TMEM132D: variants seen among roughly 807,000 people sequenced by gnomAD.
The protein encoded by TMEM132D is mature OL transmembrane protein.
A neutral mutation model predicts 62.3 loss-of-function variants in TMEM132D; 21 were observed. The ratio of observed to expected loss-of-function variants is 0.34; its 90% CI spans 0.24 to 0.49. The LOEUF (loss-of-function observed/expected upper bound fraction) is 0.49. Among genes scored for constraint, TMEM132D ranks in the 20% least tolerant of loss-of-function variants. TMEM132D has a pLI of 0.99. For synonymous variants in TMEM132D, 621 were observed against 575.6 expected (o/e 1.08, Z -1.13); for missense variants, 1,346 against 1,402.8 (o/e 0.96, Z 0.65).
chr12:129,337,591 C>A (rs1173791847), intron 4 of TMEM132D, 43 bp downstream of exon 4: 2 of 1,608,896 alleles, frequency 1.2e-6, no homozygotes, highest in African/African-American at 1.3e-5. Context: ...GCCTTCCCCT[C>A]CCCCGAGTTC....
intron 5 of TMEM132D, among the ~76,000 whole-genome samples, chr12:129,154,049 T>C (rs1287745510): frequency 1.3e-5 from 2 of 152,238 alleles, no homozygotes; most frequent in African/African-American, 4.8e-5. Flanking sequence ...ACAATTACTC[T>C]TATTTAAAAT....
intron 1 of TMEM132D, among the ~76,000 whole-genome samples, chr12:129,846,222 T>C (rs1873356360): frequency 6.6e-6 from 1 of 152,204 alleles, no homozygotes; most frequent in Admixed American, 6.5e-5. Context: ...TTCATTTAAT[T>C]ACCCATGCAC....
chr12:129,694,840 C>T (rs1302795244), intron 2 of TMEM132D, among the ~76,000 whole-genome samples: 4 of 152,116 alleles, frequency 2.6e-5, no homozygotes, highest in Non-Finnish European at 5.9e-5. Context: ...AACCCCGTCT[C>T]TACTAAAAAT....
At chr12:129,148,718 A>G (rs1876984347) in intron 5 of TMEM132D, among the ~76,000 whole-genome samples, 1 of 152,160 alleles carries the variant, frequency 6.6e-6, no homozygotes, top group Non-Finnish European at 1.5e-5. Flanking sequence ...AATTGAACAC[A>G]CCGACTTCAG....
intron 5 of TMEM132D, among the ~76,000 whole-genome samples, chr12:129,202,325 A>T (rs946871974): frequency 6.6e-6 from 1 of 152,216 alleles, no homozygotes; most frequent in Non-Finnish European, 1.5e-5. Context: ...AAATGACACC[A>T]ACACATCACA....
intron 1 of TMEM132D, among the ~76,000 whole-genome samples, chr12:129,875,960 T>C (rs1014220704): frequency 1.3e-5 from 2 of 152,170 alleles, no homozygotes; most frequent in African/African-American, 4.8e-5. Context: ...AACATGGTAG[T>C]GTCCATCCAT....
intron 3 of TMEM132D, among the ~76,000 whole-genome samples, chr12:129,381,256 C>A (rs1392984651): frequency 6.6e-6 from 1 of 152,158 alleles, no homozygotes; most frequent in African/African-American, 2.4e-5. Flanking sequence ...TTTATTTCTT[C>A]TTTTCTCCTA....
intron 2 of TMEM132D, among the ~76,000 whole-genome samples, chr12:129,671,655 A>T (rs921856632): frequency 6.6e-6 from 1 of 152,018 alleles, no homozygotes; most frequent in African/African-American, 2.4e-5. Context: ...ACATGATGAG[A>T]GGTTGGGGTA....
intron 3 of TMEM132D, among the ~76,000 whole-genome samples, chr12:129,382,874 C>T (rs12305485): frequency 0.013 from 2,002 of 152,228 alleles, 39 homozygotes; most frequent in African/African-American, 0.046. Flanking sequence ...TCCGTGTTTC[C>T]GCTCAGTCTT....
intron 4 of TMEM132D, among the ~76,000 whole-genome samples, chr12:129,328,446 C>T (rs1361760701): frequency 6.6e-6 from 1 of 152,194 alleles, no homozygotes; most frequent in Non-Finnish European, 1.5e-5. Flanking sequence ...GTAATAACCA[C>T]ACGGTGAGCA....
chr12:129,343,772 A>C (rs1432858384), intron 3 of TMEM132D, among the ~76,000 whole-genome samples: 2 of 124,038 alleles, frequency 1.6e-5, no homozygotes, highest in African/African-American at 7.0e-5. Flanking sequence ...AAAAAAAAAC[A>C]AAAAAAAAAA....
In TMEM132D at chr12:129,903,212, A is replaced by C. The variant is rs1448979851; in HGVS notation, c.79+49T>G. The C allele has an allele frequency of 6.5e-7, 1 of 1,540,904 alleles. No homozygotes were observed. Among genetic ancestry groups the C allele is most frequent in the East Asian group, 2.5e-5 (1 of 40,766 alleles). On this transcript the variant is annotated intron_variant, in intron 1 of 8. Coordinates refer to ENST00000422113, the MANE Select transcript of TMEM132D (RefSeq NM_133448.3). The surrounding 1 kb of genome is among the most constrained non-coding windows in gnomAD (Gnocchi z 6.2). ...ATCCTCCACACACTCCCACACACTC[A>C]CTCCAGGCGAAGTTAGTCCCCGGGC... is the stretch of plus-strand genomic sequence containing the variant.
intron 1 of TMEM132D, among the ~76,000 whole-genome samples, chr12:129,855,119 GCT>G (rs1196649265): frequency 7.5e-4 from 97 of 129,822 alleles, no homozygotes; most frequent in African/African-American, 2.7e-3. Flanking sequence ...GAACGGGATG[GCT>G]GCCCTTGTAA....
At chr12:129,263,524 T>C (rs1401077788) in intron 4 of TMEM132D, among the ~76,000 whole-genome samples, 1 of 151,992 alleles carries the variant, frequency 6.6e-6, no homozygotes, top group African/African-American at 2.4e-5. Context: ...CTCTTGACCA[T>C]ATATGGAGGG....
chr12:129,404,399 A>G (rs1430397180), intron 3 of TMEM132D, among the ~76,000 whole-genome samples: 4 of 152,058 alleles, frequency 2.6e-5, no homozygotes, highest in Admixed American at 1.3e-4. Flanking sequence ...GTTTCGCCAT[A>G]ATGGCCAGGC....
At chr12:129,896,286 C>T (rs1875127129) in intron 1 of TMEM132D, among the ~76,000 whole-genome samples, 1 of 152,154 alleles carries the variant, frequency 6.6e-6, no homozygotes, top group South Asian at 2.1e-4. Context: ...TCATGCTTGG[C>T]CTTGACTTTC....
intron 5 of TMEM132D, among the ~76,000 whole-genome samples, chr12:129,189,180 G>A (rs75523993): frequency 6.6e-5 from 10 of 152,266 alleles, no homozygotes; most frequent in African/African-American, 2.4e-4. Context: ...CCATGAAGCC[G>A]TTGGAGGGAA....
At chr12:129,763,902 T>C (rs2137277330) in intron 1 of TMEM132D, among the ~76,000 whole-genome samples, 1 of 152,236 alleles carries the variant, frequency 6.6e-6, no homozygotes, top group African/African-American at 2.4e-5. Flanking sequence ...AATCGAGAGG[T>C]GCCCTGTTTC....
chr12:129,591,124 A>C (rs1279924437), intron 2 of TMEM132D, among the ~76,000 whole-genome samples: 1 of 152,216 alleles, frequency 6.6e-6, no homozygotes, highest in African/African-American at 2.4e-5. Flanking sequence ...AGGTATATAC[A>C]AACTCCGAAT....
Sources: gnomAD v4.1 joint callset for allele counts (sites outside exome capture counted in the v4.1 genomes callset) on GRCh38, gnomAD v4.1.1 for gene constraint, Gnocchi (gnomAD v3.1) non-coding constraint, MANE v1.5 for transcripts, NCBI Gene and HGNC (gene_info 2026-07-23, HGNC 2026-07-21) for gene names.